MRC1: variants seen among roughly 807,000 people sequenced by gnomAD.
MRC1 encodes the protein mannose receptor C-type 1.
In MRC1, 62 loss-of-function variants were observed where a neutral mutation model predicts 102.9. That is an observed-to-expected ratio of 0.60 (90% CI 0.49 to 0.74). The LOEUF (loss-of-function observed/expected upper bound fraction) is 0.74. Among genes scored for constraint, MRC1 ranks in the 30% least tolerant of loss-of-function variants. The pLI, the probability that MRC1 is intolerant of heterozygous loss-of-function variation, is 0.00. For missense variants in MRC1, 1,237 were observed against 862.8 expected (o/e 1.43, Z -5.43); for synonymous variants, 457 against 298.4 (o/e 1.53, Z -5.48).
At chr10:17,817,263 A>G (rs1046123097) in intron 1 of MRC1, among the ~76,000 whole-genome samples, 1 of 151,776 alleles carries the variant, frequency 6.6e-6, no homozygotes, top group Non-Finnish European at 1.5e-5. Context: ...AAAAAAAAAA[A>G]AAAAGAAAGA....
At chr10:17,877,639 C>T (rs1833455302) in intron 17 of MRC1, among the ~76,000 whole-genome samples, 2 of 152,000 alleles carry the variant, frequency 1.3e-5, no homozygotes, top group African/African-American at 4.8e-5. Flanking sequence ...TGAAGACATT[C>T]TTTAAAACCA....
At chr10:17,873,646 G>A (rs1833385955) in intron 15 of MRC1, 138 bp from the exon 16 acceptor site, 1 of 728,936 alleles carries the variant, frequency 1.4e-6, no homozygotes, top group Admixed American at 2.0e-5. Flanking sequence ...CGTGCAAATA[G>A]GAGAAAGAAA....
chr10:17,813,537 C>A (rs1838256378), intron 1 of MRC1, among the ~76,000 whole-genome samples: 1 of 151,178 alleles, frequency 6.6e-6, no homozygotes, highest in African/African-American at 2.4e-5. Flanking sequence ...AATACAAGCA[C>A]CTTTCTCCTT....
At chr10:17,851,137 T>G (rs1408362134) in intron 7 of MRC1, among the ~76,000 whole-genome samples, 3 of 152,196 alleles carry the variant, frequency 2.0e-5, no homozygotes, top group Non-Finnish European at 4.4e-5. Context: ...GGAGTGCACA[T>G]TTAACTCTAC....
intron 1 of MRC1, among the ~76,000 whole-genome samples, chr10:17,821,348 C>A (rs1479932287): frequency 2.0e-5 from 3 of 152,132 alleles, no homozygotes; most frequent in Non-Finnish European, 4.4e-5. Context: ...AGGAATCTTC[C>A]TGGATTTTCA....
intron 7 of MRC1, among the ~76,000 whole-genome samples, chr10:17,851,783 T>C (rs1838921241): frequency 6.6e-6 from 1 of 152,204 alleles, no homozygotes; most frequent in Non-Finnish European, 1.5e-5. Context: ...ATCCTGGCAG[T>C]GTCATTCATT....
At chr10:17,845,552 G>T (rs1015833113) in intron 6 of MRC1, 117 bp downstream of exon 6, 26 of 737,392 alleles carry the variant, frequency 3.5e-5, no homozygotes, top group Admixed American at 7.5e-5. Flanking sequence ...AGTTGATGGG[G>T]TAAACTTAAT....
intron 3 of MRC1, among the ~76,000 whole-genome samples, chr10:17,832,245 C>T (rs919044464): frequency 6.6e-6 from 1 of 151,388 alleles, no homozygotes; most frequent in Non-Finnish European, 1.5e-5. Flanking sequence ...TTTGCTTCCC[C>T]TGCCTTACTT....
At chr10:17,901,812 A>G (rs1273993237) in intron 25 of MRC1, among the ~76,000 whole-genome samples, 161 bp from the exon 26 acceptor site, 2 of 152,238 alleles carry the variant, frequency 1.3e-5, no homozygotes, top group Admixed American at 1.3e-4. Context: ...AAACATTGAT[A>G]AAAGGAAACC....
intron 11 of MRC1, among the ~76,000 whole-genome samples, chr10:17,866,004 C>T (rs1234531966): frequency 1.3e-5 from 2 of 152,206 alleles, no homozygotes; most frequent in Non-Finnish European, 2.9e-5. Context: ...AAGCTCAGTG[C>T]ATCCTCATTT....
intron 12 of MRC1, among the ~76,000 whole-genome samples, chr10:17,868,991 G>C (rs916138316): frequency 6.6e-6 from 1 of 152,224 alleles, no homozygotes; most frequent in South Asian, 2.1e-4. Flanking sequence ...CCTAGCCTTC[G>C]CCTGAGGATG....
In MRC1 at chr10:17,840,822, T is replaced by C. The variant is rs1554839834; in HGVS notation, c.916+16T>C. ...TGGTTACCAGGTAGGGTTAAGCCTG[T>C]TTGTGTCGAATTAATCCAAATTTAA... On this transcript the variant is annotated intron_variant, in intron 5 of 29. Coordinates refer to ENST00000569591, the MANE Select transcript of MRC1 (RefSeq NM_002438.4). The C allele has an allele frequency of 1.3e-6, 1 of 780,822 alleles. No individual in the cohort carries two copies. Among genetic ancestry groups the C allele is most frequent in the East Asian group, 2.4e-5 (1 of 41,250 alleles). The allele number at this position is 780,822 out of a possible 1,614,324, so 48.4% of individuals were successfully genotyped here.
chr10:17,819,453 A>G (rs934522877), intron 1 of MRC1, among the ~76,000 whole-genome samples: 58 of 145,782 alleles, frequency 4.0e-4, no homozygotes, highest in South Asian at 1.8e-3. Context: ...TCAGAGTTGT[A>G]TGTGTGTGTG....
intron 14 of MRC1, 84 bp from the exon 15 acceptor site, chr10:17,871,898 A>G (rs1041521675): frequency 1.1e-5 from 8 of 734,152 alleles, no homozygotes; most frequent in South Asian, 7.6e-5. Context: ...ATGCAAACAT[A>G]TCTTTCGTTT....
chr10:17,829,939 A>T (rs1000130327), intron 3 of MRC1, among the ~76,000 whole-genome samples: 2 of 151,522 alleles, frequency 1.3e-5, no homozygotes, highest in African/African-American at 4.9e-5. Context: ...ACTTGTATTT[A>T]TGCCTTCACT....
In MRC1 at chr10:17,864,403, A is replaced by G. The variant is rs968732627; in HGVS notation, c.1783+721A>G. On this transcript the variant is annotated intron_variant, in intron 11 of 29. Coordinates refer to ENST00000569591, the MANE Select transcript of MRC1 (RefSeq NM_002438.4). Reference sequence around the variant, plus strand: ...TATTAGAGTGGTTGGGTGGGGCAGCAAAGGACATTGCTCATGCGGAACTCA... The same window carrying G: ...TATTAGAGTGGTTGGGTGGGGCAGCGAAGGACATTGCTCATGCGGAACTCA... Among the ~76,000 whole-genome samples the G allele has an allele frequency of 4.7e-4, 71 of 152,322 alleles. 1 individual carries two copies. The highest frequency in any genetic ancestry group is 3.4e-3 in the Middle Eastern group (1 of 294).
intron 26 of MRC1, among the ~76,000 whole-genome samples, chr10:17,905,122 A>G (rs1833878868): frequency 6.6e-6 from 1 of 152,126 alleles, no homozygotes; most frequent in Admixed American, 6.5e-5. Context: ...ATTCTCTGAG[A>G]ATGGGGCTTG....
chr10:17,905,515 AT>A (rs1241039548), intron 26 of MRC1, among the ~76,000 whole-genome samples: 8 of 151,668 alleles, frequency 5.3e-5, no homozygotes, highest in African/African-American at 1.9e-4. Context: ...ATTGCTAAGT[AT>A]TTTTTTTGAA....
intron 7 of MRC1, among the ~76,000 whole-genome samples, chr10:17,850,162 G>T (rs1284855102): frequency 1.3e-5 from 2 of 150,884 alleles, no homozygotes; most frequent in South Asian, 2.1e-4. Flanking sequence ...TCCTAAAAAA[G>T]ATTTCTAAAT....
Sources: allele counts gnomAD v4.1 joint callset (sites outside exome capture counted in the v4.1 genomes callset), GRCh38; gene constraint gnomAD v4.1.1; transcripts MANE v1.5; gene names NCBI Gene and HGNC (gene_info 2026-07-23, HGNC 2026-07-21).